Variants in TIMP3 observed in about 807,000 individuals in gnomAD.
The protein encoded by TIMP3 is TIMP metallopeptidase inhibitor 3.
A neutral mutation model predicts 30.0 loss-of-function variants in TIMP3; 11 were observed. That is an observed-to-expected ratio of 0.37 (90% CI 0.23 to 0.61). The LOEUF is 0.61. Among genes scored for constraint, TIMP3 ranks in the 20% least tolerant of loss-of-function variants. TIMP3 has a pLI of 0.70. For synonymous variants in TIMP3, 112 were observed against 111.3 expected (o/e 1.01, Z -0.04); for missense variants, 181 against 276.8 (o/e 0.65, Z 2.45).
chr22:32,825,302 C>T (rs2047368929), intron 1 of TIMP3, among the ~76,000 whole-genome samples: 1 of 152,206 alleles, frequency 6.6e-6, no homozygotes, highest in East Asian at 1.9e-4. Flanking sequence ...ACTAAAATGG[C>T]AGGTTTAGAA....
At chr22:32,808,846 G>T (rs1380556531) in intron 1 of TIMP3, among the ~76,000 whole-genome samples, 1 of 152,218 alleles carries the variant, frequency 6.6e-6, no homozygotes, top group Non-Finnish European at 1.5e-5. Context: ...GAAACTCCCA[G>T]AGGGGATCAT....
Position 32,857,296 on chromosome 22 carries a change from G to A in TIMP3, c.252G>A (p.Thr84=), listed in dbSNP as rs200951946. The part of the protein sequence containing the change: ...TKMPHVQYIH[T]EASESLCGLK... The stretch of plus-strand genomic sequence containing the variant: ...TGCCCCATGTGCAGTACATCCATAC[G>A]GAAGCTTCCGAGAGTCTCTGTGGCC... The change falls in exon 3 of 5, where the codon ACG becomes ACA. Residue 84 remains threonine, a synonymous_variant. Transcript: ENST00000266085. The A allele has an allele frequency of 4.0e-5, 64 of 1,614,040 alleles. No homozygotes were observed. The highest frequency in any genetic ancestry group is 3.3e-4 in the Middle Eastern group (2 of 6,060).
chr22:32,811,711 C>G (rs2267180), intron 1 of TIMP3, among the ~76,000 whole-genome samples: 68,320 of 152,008 alleles, frequency 0.45, 15,886 homozygotes, highest in Admixed American at 0.55. Context: ...GTCATAGTTC[C>G]TAGTTAGTGG....
chr22:32,804,174 G>A (rs577542956), intron 1 of TIMP3, among the ~76,000 whole-genome samples: 24 of 152,170 alleles, frequency 1.6e-4, no homozygotes, highest in Non-Finnish European at 3.1e-4. Flanking sequence ...AAAAATCTTC[G>A]ATGCTCTGGC....
At position 32,862,898 on chromosome 22, in the gene TIMP3, C is replaced by T. The variant is rs1223759424; in HGVS notation, c.*3521C>T. 6.6e-6 allele frequency: 1 copy of T among 152,582 alleles called. No individual in the cohort carries two copies. Among genetic ancestry groups the T allele is most frequent in the African/African-American group, 2.4e-5 (1 of 41,430 alleles). 9.5% of individuals were successfully genotyped at this position (152,582 alleles called of 1,614,324 possible). A position where few individuals can be genotyped will look rare whatever the true frequency, so the allele number is the denominator to read the frequency against. On this transcript the variant is annotated 3_prime_UTR_variant, in exon 5 of 5. Coordinates refer to ENST00000266085, the MANE Select transcript of TIMP3 (RefSeq NM_000362.5). ...AAGGAATGTATTTGTTGCTAAATTT[C>T]GTAGCACTGTTTACAGTTTTCCTCC...
rs796234665 is a variant in TIMP3 at position 32,802,026 on chromosome 22, G to A, written c.25G>A (p.Val9Met). The change falls in exon 1 of 5, where the codon GTG (valine) becomes ATG (methionine). Residue 9 changes from valine to methionine, a missense_variant. By Grantham distance (21) the Val-to-Met change is conservative. This residue lies in a region of TIMP3 where 71 missense variants were observed against 79.7 expected (regional missense o/e 0.89). Coordinates refer to ENST00000266085, the MANE Select transcript of TIMP3 (RefSeq NM_000362.5). MTPWLGLIVLLGSWSLGDW... is the reference protein window; with the variant it reads MTPWLGLIMLLGSWSLGDW... Reference sequence around the variant, plus strand: ...AATGACCCCTTGGCTCGGGCTCATCGTGCTCCTGGGCAGCTGGAGCCTGGG... The same window carrying A: ...AATGACCCCTTGGCTCGGGCTCATCATGCTCCTGGGCAGCTGGAGCCTGGG... 3.2e-6 allele frequency: 5 copies of A among 1,576,446 alleles called. No individual in the cohort carries two copies. The African/African-American group carries it at 6.7e-5, about 21-fold the overall frequency.
chr22:32,821,977 G>A (rs975087924), intron 1 of TIMP3, among the ~76,000 whole-genome samples: 1 of 152,090 alleles, frequency 6.6e-6, no homozygotes. Flanking sequence ...CCAACATGGA[G>A]AAACCCCATC....
At chr22:32,844,669 C>T (rs1473458359) in intron 1 of TIMP3, among the ~76,000 whole-genome samples, 1 of 151,950 alleles carries the variant, frequency 6.6e-6, no homozygotes, top group Non-Finnish European at 1.5e-5. Flanking sequence ...CATTGAAATA[C>T]TGCTTATTCC....
chr22:32,803,390 G>T (rs183372933), intron 1 of TIMP3, among the ~76,000 whole-genome samples: 14 of 152,090 alleles, frequency 9.2e-5, no homozygotes, highest in Non-Finnish European at 1.5e-4. Context: ...GGCACTGCTG[G>T]TGGGCTGGGC....
At chr22:32,849,678 A>C in intron 2 of TIMP3, 144 bp downstream of exon 2, 1 of 778,246 alleles carries the variant, frequency 1.3e-6, no homozygotes, top group African/African-American at 1.7e-5. Context: ...CTGGAGAGGG[A>C]GCTGCTAAGG....
chr22:32,827,448 A>G (rs959115172), intron 1 of TIMP3, among the ~76,000 whole-genome samples: 2 of 152,150 alleles, frequency 1.3e-5, no homozygotes, highest in East Asian at 1.9e-4. Context: ...TCCTACTTGT[A>G]CAAATGGATT....
chr22:32,807,314 A>T (rs5994634), intron 1 of TIMP3, among the ~76,000 whole-genome samples: 1 of 112,476 alleles, frequency 8.9e-6, no homozygotes, highest in Non-Finnish European at 1.7e-5. Flanking sequence ...ATAAATATAT[A>T]ATATATAAAT....
intron 1 of TIMP3, among the ~76,000 whole-genome samples, chr22:32,815,673 C>G (rs1017609422): frequency 2.6e-5 from 4 of 152,076 alleles, no homozygotes; most frequent in Admixed American, 6.5e-5. Context: ...ACATACATGT[C>G]AGAAATTATT....
intron 1 of TIMP3, among the ~76,000 whole-genome samples, chr22:32,814,131 TGTGTGTG>T (rs2046993810): frequency 7.4e-6 from 1 of 134,582 alleles, no homozygotes; most frequent in African/African-American, 2.8e-5. Flanking sequence ...TGTGTGTGTG[TGTGTGTG>T]TGTGAGAGAG....
chr22:32,832,542 T>G (rs760838698), intron 1 of TIMP3, among the ~76,000 whole-genome samples: 9 of 110,818 alleles, frequency 8.1e-5, no homozygotes, highest in Non-Finnish European at 1.3e-4. Context: ...TAAGCCTGGG[T>G]TTTTTTTTTT....
intron 1 of TIMP3, among the ~76,000 whole-genome samples, chr22:32,815,167 G>C (rs531893708): frequency 2.0e-4 from 30 of 152,306 alleles, no homozygotes; most frequent in African/African-American, 6.5e-4. Context: ...CCCATTTCTA[G>C]TTTCATGAAC....
chr22:32,861,990 C>A lies in TIMP3; in HGVS notation c.*2613C>A, dbSNP rs1413053763. The A allele has an allele frequency of 6.6e-6, 1 of 152,532 alleles. No individual in the cohort carries two copies. The highest frequency in any genetic ancestry group is 2.1e-4 in the South Asian group (1 of 4,830). 9.4% of individuals were successfully genotyped at this position (152,532 alleles called of 1,614,324 possible). A position where few individuals can be genotyped will look rare whatever the true frequency, so the allele number is the denominator to read the frequency against. Reference sequence around the variant, plus strand: ...CTGCAGTGGAATGGAGAGGAAAATACTTCTAGGCAAGCAGCTAGACTGGTG... The same window carrying A: ...CTGCAGTGGAATGGAGAGGAAAATAATTCTAGGCAAGCAGCTAGACTGGTG... On this transcript the variant is annotated 3_prime_UTR_variant, in exon 5 of 5. Coordinates refer to ENST00000266085, the MANE Select transcript of TIMP3 (RefSeq NM_000362.5).
chr22:32,835,013 G>T (rs1056220410), intron 1 of TIMP3, among the ~76,000 whole-genome samples: 1 of 152,188 alleles, frequency 6.6e-6, no homozygotes, highest in South Asian at 2.1e-4. Context: ...GTCAGTCTTG[G>T]TCTGATTGCT....
intron 1 of TIMP3, among the ~76,000 whole-genome samples, chr22:32,830,322 T>G (rs1486436758): frequency 1.3e-5 from 2 of 152,152 alleles, no homozygotes; most frequent in Non-Finnish European, 2.9e-5. Context: ...GTATCTCCCT[T>G]AATGCCTGCA....
Sources: allele counts gnomAD v4.1 joint callset (sites outside exome capture counted in the v4.1 genomes callset), GRCh38; gene constraint gnomAD v4.1.1; regional missense constraint gnomAD v4.1.1; transcripts MANE v1.5; gene names NCBI Gene and HGNC (gene_info 2026-07-23, HGNC 2026-07-21).